The following EPHA7 variants were observed in gnomAD, a reference collection of about 807,000 sequenced individuals.
EPHA7 encodes the protein ephrin type-A receptor 7.
In EPHA7, 25 loss-of-function variants were observed where a neutral mutation model predicts 112.6. The ratio of observed to expected loss-of-function variants is 0.22; its 90% confidence interval spans 0.16 to 0.31. The LOEUF is 0.31. Ranked by LOEUF, EPHA7 falls within the 10% of genes least tolerant of loss-of-function variation. EPHA7 has a pLI of 1.00. For missense variants in EPHA7, 962 were observed against 1,212.6 expected (o/e 0.79, Z 3.07); for synonymous variants, 437 against 406.5 (o/e 1.07, Z -0.90).
intron 3 of EPHA7, among the ~76,000 whole-genome samples, chr6:93,376,432 C>G (rs747544255): frequency 6.6e-6 from 1 of 152,102 alleles, no homozygotes; most frequent in Non-Finnish European, 1.5e-5. Context: ...TAAGTCACCA[C>G]GCCTGGTCCA....
At chr6:93,363,416 A>G (rs192263258) in intron 3 of EPHA7, among the ~76,000 whole-genome samples, 1 of 152,326 alleles carries the variant, frequency 6.6e-6, no homozygotes. Context: ...TTTCTCCATG[A>G]AAGCTTTACA....
intron 5 of EPHA7, among the ~76,000 whole-genome samples, chr6:93,327,585 A>G (rs1416172700): frequency 6.6e-6 from 1 of 151,494 alleles, no homozygotes; most frequent in Non-Finnish European, 1.5e-5. Flanking sequence ...GTCTAGAGTT[A>G]CTAGTTATTT....
At chr6:93,289,283 T>C (rs1772228360) in intron 5 of EPHA7, among the ~76,000 whole-genome samples, 6 of 152,178 alleles carry the variant, frequency 3.9e-5, no homozygotes, top group Admixed American at 2.6e-4. Context: ...AGTGATACCA[T>C]GTATAGTTAG....
At chr6:93,258,798 A>C (rs1201818901) in intron 10 of EPHA7, among the ~76,000 whole-genome samples, 1 of 151,086 alleles carries the variant, frequency 6.6e-6, no homozygotes, top group Non-Finnish European at 1.5e-5. Context: ...TAAATATTTA[A>C]AATCTGGAAT....
rs374227002 is a variant in EPHA7 at position 93,266,817 on chromosome 6, T to C, written c.1634-2115A>G. On this transcript the variant is annotated intron_variant, in intron 7 of 16. Transcript: ENST00000369303. ...GAATCTGTGTACCTGTCCCTGTCTT[T>C]CACTGAACTTTTAATAAAGATCATG... 2.0e-5 allele frequency among the ~76,000 whole-genome samples: 3 copies of C among 151,808 alleles called. 1 individual carries two copies. Among genetic ancestry groups the C allele is most frequent in the Admixed American group, 6.6e-5 (1 of 15,204 alleles).
chr6:93,402,225 T>A (rs1778469303), intron 3 of EPHA7, among the ~76,000 whole-genome samples: 1 of 152,000 alleles, frequency 6.6e-6, no homozygotes, highest in Non-Finnish European at 1.5e-5. Context: ...TCCTTCTTTA[T>A]TTACTGAAAC....
At chr6:93,244,077 T>C (rs763642505) in intron 16 of EPHA7, among the ~76,000 whole-genome samples, 14 of 152,110 alleles carry the variant, frequency 9.2e-5, no homozygotes, top group Admixed American at 2.0e-4. Context: ...TCATTATATG[T>C]TATAAAAACT....
At chr6:93,332,398 C>T (rs1232755400) in intron 5 of EPHA7, among the ~76,000 whole-genome samples, 1 of 151,634 alleles carries the variant, frequency 6.6e-6, no homozygotes, top group Non-Finnish European at 1.5e-5. Context: ...AAATAATGAA[C>T]AGTTATCTAC....
chr6:93,255,920 T>C lies in EPHA7; in HGVS notation c.2290A>G (p.Ile764Val), dbSNP rs773047453. The C allele has an allele frequency of 1.2e-6, 2 of 1,614,082 alleles. No homozygotes were observed. The highest frequency in any genetic ancestry group is 2.2e-5 in the South Asian group (2 of 91,080). ...CAAACGAGATTGCTGTTGACAAGAATATTGCGAGCTGCAAGGTCCCTGTGA... is the reference window on the plus strand; with the variant it reads ...CAAACGAGATTGCTGTTGACAAGAACATTGCGAGCTGCAAGGTCCCTGTGA... ...YVHRDLAARN[I>V]LVNSNLVCKV... The change falls in exon 13 of 17, where the codon ATT becomes GTT. Residue 764 changes from isoleucine (I) to valine (V), a missense_variant. Coordinates refer to ENST00000369303, the MANE Select transcript of EPHA7 (RefSeq NM_004440.4).
At chr6:93,371,569 T>C (rs1263608984) in intron 3 of EPHA7, among the ~76,000 whole-genome samples, 1 of 152,192 alleles carries the variant, frequency 6.6e-6, no homozygotes, top group African/African-American at 2.4e-5. Context: ...TGTGTGCATA[T>C]ATTTCAATCT....
intron 1 of EPHA7, among the ~76,000 whole-genome samples, chr6:93,416,135 G>T (rs555203333): frequency 6.6e-6 from 1 of 151,788 alleles, no homozygotes; most frequent in Non-Finnish European, 1.5e-5. Flanking sequence ...CCTTTCAAAT[G>T]AGAAACACAC....
chr6:93,405,769 A>C lies in EPHA7; in HGVS notation c.832+4732T>G, dbSNP rs189574677. Among the ~76,000 whole-genome samples, 614 of 124,612 alleles carry C rather than the reference A, an allele frequency of 4.9e-3. 2 individuals carry two copies. The highest frequency in any genetic ancestry group is 9.8e-3 in the Admixed American group (109 of 11,156). 81.8% of individuals were successfully genotyped at this position (124,612 alleles called of 152,430 possible). ...AGCTACTAACCCACTGGTGTTTCTTATATTTCTGTATATATGTGTGTGTGT... is the reference window on the plus strand; with the variant it reads ...AGCTACTAACCCACTGGTGTTTCTTCTATTTCTGTATATATGTGTGTGTGT... On this transcript the variant is annotated intron_variant, in intron 3 of 16. Transcript: ENST00000369303.
intron 3 of EPHA7, among the ~76,000 whole-genome samples, chr6:93,384,956 C>T (rs1047744562): frequency 6.6e-6 from 1 of 152,110 alleles, no homozygotes; most frequent in Non-Finnish European, 1.5e-5. Context: ...ACTAGTTGCA[C>T]TACAAACACA....
At chr6:93,309,212 G>C (rs534712395) in intron 5 of EPHA7, among the ~76,000 whole-genome samples, 18 of 152,310 alleles carry the variant, frequency 1.2e-4, no homozygotes, top group Middle Eastern at 3.4e-3. Context: ...GCCTCCCAAA[G>C]GGCTGGGATT....
chr6:93,336,357 T>G (rs967164322), intron 5 of EPHA7, among the ~76,000 whole-genome samples: 7 of 152,144 alleles, frequency 4.6e-5, no homozygotes, highest in Non-Finnish European at 1.0e-4. Context: ...ACTTTGAAAG[T>G]GTAGTGGGCA....
At chr6:93,355,466 G>T (rs1046559138) in intron 5 of EPHA7, among the ~76,000 whole-genome samples, 6 of 152,258 alleles carry the variant, frequency 3.9e-5, no homozygotes, top group Non-Finnish European at 8.8e-5. Flanking sequence ...GATAACACTG[G>T]TTGCTTTTAG....
At chr6:93,386,421 T>A (rs564297082) in intron 3 of EPHA7, among the ~76,000 whole-genome samples, 1 of 152,160 alleles carries the variant, frequency 6.6e-6, no homozygotes, top group African/African-American at 2.4e-5. Flanking sequence ...CAAAATGATC[T>A]CTTTTGACTC....
At chr6:93,398,039 G>GA (rs895232237) in intron 3 of EPHA7, among the ~76,000 whole-genome samples, 44 of 151,892 alleles carry the variant, frequency 2.9e-4, no homozygotes, top group Admixed American at 1.3e-4. Context: ...TATAATGACA[G>GA]AAAATCCTTA....
At chr6:93,291,603 C>T (rs563715399) in intron 5 of EPHA7, among the ~76,000 whole-genome samples, 3 of 150,044 alleles carry the variant, frequency 2.0e-5, no homozygotes, top group Admixed American at 6.7e-5. Flanking sequence ...CCCGTCTCTA[C>T]TAAAAATACA....
Sources: allele counts gnomAD v4.1 joint callset (sites outside exome capture counted in the v4.1 genomes callset), GRCh38; gene constraint gnomAD v4.1.1; transcripts MANE v1.5; gene names NCBI Gene and HGNC (gene_info 2026-07-23, HGNC 2026-07-21).